The following CHMP3 variants were observed in gnomAD, a reference collection of about 807,000 sequenced individuals.
The protein encoded by CHMP3 is charged multivesicular body protein 3, also known as 25.1 protein.
In CHMP3, 8 loss-of-function variants were observed where a neutral mutation model predicts 27.4. The ratio of observed to expected loss-of-function variants is 0.29; its 90% CI spans 0.17 to 0.53. CHMP3 has a LOEUF of 0.53. Ranked by LOEUF, CHMP3 falls within the 20% of genes least tolerant of loss-of-function variation. The probability of loss-of-function intolerance (pLI) is 0.96; values close to 1 mark genes in which losing one functional copy is unlikely to be tolerated. For missense variants in CHMP3, 208 were observed against 271.5 expected (o/e 0.77, Z 1.64); for synonymous variants, 86 against 85.5 (o/e 1.01, Z -0.03).
chr2:86,537,529 TTGTA>T (rs1676196293), intron 2 of CHMP3, among the ~76,000 whole-genome samples: 1 of 152,218 alleles, frequency 6.6e-6, no homozygotes, highest in South Asian at 2.1e-4. Context: ...TCCTGTTTCT[TTGTA>T]TGCCTTATGA....
At chr2:86,506,330 AC>A (rs985511340) in intron 5 of CHMP3, among the ~76,000 whole-genome samples, 1 of 152,128 alleles carries the variant, frequency 6.6e-6, no homozygotes, top group Admixed American at 6.5e-5. Flanking sequence ...TAAAAATTAA[AC>A]CCCACCATTT....
intron 3 of CHMP3, chr2:86,527,072 T>C (rs530951202): frequency 5.9e-5 from 9 of 151,866 alleles, no homozygotes; most frequent in African/African-American, 7.3e-5. Context: ...TTTTTTTATA[T>C]ATATATAATA....
chr2:86,529,994 CTTTT>C (rs999808959), intron 2 of CHMP3, among the ~76,000 whole-genome samples: 4 of 149,186 alleles, frequency 2.7e-5, no homozygotes, highest in African/African-American at 4.9e-5. Flanking sequence ...ACCCCGAACT[CTTTT>C]TTTTTTATTT....
At chr2:86,517,357 G>A (rs1230010943) in intron 3 of CHMP3, among the ~76,000 whole-genome samples, 2 of 151,446 alleles carry the variant, frequency 1.3e-5, no homozygotes, top group Admixed American at 6.6e-5. Context: ...ATGAGGTCAG[G>A]AGATCGAGAC....
chr2:86,511,947 A>G (rs1214061149), intron 3 of CHMP3: 3 of 152,190 alleles, frequency 2.0e-5, no homozygotes, highest in African/African-American at 7.2e-5. Flanking sequence ...AGAAGGTACA[A>G]GAAGGGAAGA....
rs769064924 is a variant in CHMP3, at chr2:86,529,193, G to A, written c.286+25C>T. ...AACAGCAACCCCGGCATTATGAGGT[G>A]ACTGTAAGGTAAGTGCAGCCTTACC... On this transcript the variant is annotated intron_variant, in intron 3 of 5. Coordinates refer to ENST00000263856, the MANE Select transcript of CHMP3 (RefSeq NM_016079.4). The A allele has an allele frequency of 4.5e-6, 7 of 1,555,968 alleles. No homozygotes were observed. In the South Asian group the frequency reaches 7.3e-5, roughly 16 times the overall value.
chr2:86,552,621 G>A (rs1389977878), intron 1 of CHMP3, among the ~76,000 whole-genome samples: 2 of 152,206 alleles, frequency 1.3e-5, no homozygotes, highest in Non-Finnish European at 2.9e-5. Context: ...AAGATCTGGT[G>A]TGTCACTACC....
intron 1 of CHMP3, among the ~76,000 whole-genome samples, chr2:86,550,050 G>A (rs956936446): frequency 3.9e-5 from 6 of 152,212 alleles, no homozygotes; most frequent in Non-Finnish European, 1.5e-5. Flanking sequence ...AGGTTGCAGC[G>A]AGCTGAGATC....
At chr2:86,515,575 C>A (rs1675270767) in intron 3 of CHMP3, among the ~76,000 whole-genome samples, 1 of 152,130 alleles carries the variant, frequency 6.6e-6, no homozygotes, top group Admixed American at 6.5e-5. Flanking sequence ...CCCGCCTCAG[C>A]CTCCCAAAGT....
intron 1 of CHMP3, among the ~76,000 whole-genome samples, chr2:86,545,918 A>G (rs1033228013): frequency 3.3e-5 from 5 of 149,700 alleles, no homozygotes; most frequent in Admixed American, 2.0e-4. Context: ...ATCCCAGAGG[A>G]TGGGCGGCCA....
chr2:86,510,666 G>A, intron 3 of CHMP3, 187 bp from the exon 4 acceptor site: 1 of 764,114 alleles, frequency 1.3e-6, no homozygotes. Flanking sequence ...ATGCTATCTG[G>A]GTTACTACTG....
At chr2:86,523,116 C>T (rs1166564514) in intron 3 of CHMP3, among the ~76,000 whole-genome samples, 1 of 152,204 alleles carries the variant, frequency 6.6e-6, no homozygotes, top group Non-Finnish European at 1.5e-5. Flanking sequence ...TAAAAATTGT[C>T]ATCTTCACCT....
At chr2:86,549,834 A>T (rs1434464948) in intron 1 of CHMP3, among the ~76,000 whole-genome samples, 1 of 146,856 alleles carries the variant, frequency 6.8e-6, no homozygotes, top group African/African-American at 2.5e-5. Flanking sequence ...GTGGCCGGGA[A>T]GAGGCGCTCC....
chr2:86,538,605 C>T (rs962897171), intron 2 of CHMP3, among the ~76,000 whole-genome samples: 6 of 152,116 alleles, frequency 3.9e-5, no homozygotes, highest in Admixed American at 6.5e-5. Context: ...TAACTTTCTA[C>T]TTTTCTGCAT....
chr2:86,561,281 G>C (rs549298695), intron 1 of CHMP3, among the ~76,000 whole-genome samples: 2 of 152,284 alleles, frequency 1.3e-5, no homozygotes, highest in East Asian at 3.9e-4. Context: ...GTATGCCTCA[G>C]TTGCCACCTG....
At chr2:86,546,446 T>C (rs1371028941) in intron 1 of CHMP3, among the ~76,000 whole-genome samples, 4 of 151,526 alleles carry the variant, frequency 2.6e-5, no homozygotes, top group Admixed American at 2.6e-4. Context: ...GACTTTTTTT[T>C]TTTTTTTTGA....
At chr2:86,549,449 G>C (rs1676778998) in intron 1 of CHMP3, among the ~76,000 whole-genome samples, 1 of 142,482 alleles carries the variant, frequency 7.0e-6, no homozygotes, top group Non-Finnish European at 1.5e-5. Flanking sequence ...TTCCCAGATG[G>C]GGTGGCCGGG....
chr2:86,543,063 A>AATAG (rs1482988330), intron 1 of CHMP3, among the ~76,000 whole-genome samples: 6 of 152,222 alleles, frequency 3.9e-5, no homozygotes, highest in Admixed American at 3.9e-4. Context: ...CACTGCTATA[A>AATAG]CTAAACTCCT....
At chr2:86,523,683 T>C (rs1675601273) in intron 3 of CHMP3, among the ~76,000 whole-genome samples, 1 of 152,058 alleles carries the variant, frequency 6.6e-6, no homozygotes, top group Non-Finnish European at 1.5e-5. Flanking sequence ...TCCCTTCCAC[T>C]CTCTCCTCTG....
Sources: gnomAD v4.1 joint callset for allele counts (sites outside exome capture counted in the v4.1 genomes callset) on GRCh38, gnomAD v4.1.1 for gene constraint, MANE v1.5 for transcripts, NCBI Gene and HGNC (gene_info 2026-07-23, HGNC 2026-07-21) for gene names.